KCNIP1: variants seen among roughly 807,000 people sequenced by gnomAD.
KCNIP1 encodes potassium voltage-gated channel interacting protein 1, also known as A-type potassium channel modulatory protein KCNIP1.
Under a neutral mutation model 33.0 loss-of-function variants are expected in KCNIP1, and 18 were observed. The ratio of observed to expected loss-of-function variants is 0.55; its 90% CI spans 0.38 to 0.81. The LOEUF (loss-of-function observed/expected upper bound fraction) is 0.81. KCNIP1 is among the 30% of genes least tolerant of loss of function. KCNIP1 has a pLI of 0.00. For synonymous variants in KCNIP1, 93 were observed against 98.3 expected (o/e 0.95, Z 0.32); for missense variants, 238 against 271.6 (o/e 0.88, Z 0.87).
upstream of KCNIP1, among the ~76,000 whole-genome samples, chr5:170,503,869 G>T (rs1175180536): frequency 1.3e-5 from 2 of 151,990 alleles, no homozygotes; most frequent in Admixed American, 6.6e-5. Flanking sequence ...ATGCTCCCGG[G>T]GCTCCCGCAC....
At chr5:170,734,080 G>A (rs763811217) in intron 7 of KCNIP1, among the ~76,000 whole-genome samples, 182 bp downstream of exon 7, 13 of 152,082 alleles carry the variant, frequency 8.5e-5, no homozygotes, top group Non-Finnish European at 1.6e-4. Flanking sequence ...ACCTGCAGTT[G>A]GTCTTGGCTA....
At chr5:170,365,692 C>G (rs1763642516) in intron 1 of KCNIP1, among the ~76,000 whole-genome samples, 1 of 152,202 alleles carries the variant, frequency 6.6e-6, no homozygotes, top group Non-Finnish European at 1.5e-5. Context: ...GGATCCAGGA[C>G]TTTCTGGAAA....
At chr5:170,582,206 TA>T (rs1757820574) in intron 1 of KCNIP1, among the ~76,000 whole-genome samples, 1 of 152,172 alleles carries the variant, frequency 6.6e-6, no homozygotes, top group African/African-American at 2.4e-5. Flanking sequence ...GCAGTGACCT[TA>T]AGCCCCAACA....
At chr5:170,634,483 T>C (rs187921668) in intron 1 of KCNIP1, among the ~76,000 whole-genome samples, 1 of 152,228 alleles carries the variant, frequency 6.6e-6, no homozygotes, top group African/African-American at 2.4e-5. Context: ...ACACTTCGAG[T>C]AGCACCAAAG....
intron 1 of KCNIP1, among the ~76,000 whole-genome samples, chr5:170,703,394 C>T (rs1470217886): frequency 1.4e-5 from 2 of 137,980 alleles, no homozygotes; most frequent in Non-Finnish European, 3.0e-5. Context: ...GTGGGCCTGG[C>T]ATGGCCATAA....
At chr5:170,380,856 T>C (rs937204608) in intron 1 of KCNIP1, among the ~76,000 whole-genome samples, 1 of 152,196 alleles carries the variant, frequency 6.6e-6, no homozygotes, top group Non-Finnish European at 1.5e-5. Flanking sequence ...ACAACCTCAC[T>C]GGGCCTTGTA....
chr5:170,690,143 C>T (rs574151881), intron 1 of KCNIP1, among the ~76,000 whole-genome samples: 5 of 152,254 alleles, frequency 3.3e-5, no homozygotes, highest in African/African-American at 1.2e-4. Context: ...AATGAATGAA[C>T]AAATCACTGA....
intron 1 of KCNIP1, among the ~76,000 whole-genome samples, chr5:170,700,504 G>A (rs988345263): frequency 2.0e-5 from 3 of 152,162 alleles, no homozygotes; most frequent in South Asian, 2.1e-4. Flanking sequence ...GGGAGGTTGG[G>A]GCTGTGGTAA....
chr5:170,592,606 CT>C (rs1561705559), intron 1 of KCNIP1, among the ~76,000 whole-genome samples: 1 of 152,208 alleles, frequency 6.6e-6, no homozygotes, highest in Non-Finnish European at 1.5e-5. Context: ...TACTTCTCAT[CT>C]TTGGCACAGT....
At chr5:170,449,862 T>C (rs1288143621) in intron 1 of KCNIP1, among the ~76,000 whole-genome samples, 6 of 152,010 alleles carry the variant, frequency 3.9e-5, no homozygotes, top group Non-Finnish European at 1.5e-5. Flanking sequence ...GGTCTCTACT[T>C]GTAGGAGTTC....
chr5:170,577,495 T>C lies in KCNIP1; in HGVS notation c.61+72862T>C, dbSNP rs1483982527. ...TGTTGCGTGTGAATGTCAGAGCTCA[T>C]ATGATGCCTTTGTCTTCATTCTAAC... On this transcript the variant is annotated intron_variant, in intron 1 of 7. Coordinates refer to ENST00000328939, the MANE Select transcript of KCNIP1 (RefSeq NM_014592.4). 2.0e-5 allele frequency among the ~76,000 whole-genome samples: 3 copies of C among 152,222 alleles called. No homozygotes were observed. In the East Asian group the frequency reaches 5.8e-4, roughly 29 times the overall value.
At chr5:170,628,932 C>A (rs948815347) in intron 1 of KCNIP1, among the ~76,000 whole-genome samples, 6 of 152,220 alleles carry the variant, frequency 3.9e-5, no homozygotes, top group Non-Finnish European at 7.3e-5. Flanking sequence ...TCCAGGCCTG[C>A]AGTCTGCAGC....
intron 1 of KCNIP1, among the ~76,000 whole-genome samples, chr5:170,698,812 T>C (rs1056072402): frequency 6.6e-6 from 1 of 152,228 alleles, no homozygotes; most frequent in African/African-American, 2.4e-5. Context: ...CCATTCATTA[T>C]CTCATTTAAA....
intron 1 of KCNIP1, among the ~76,000 whole-genome samples, chr5:170,571,822 G>C (rs1028911132): frequency 6.6e-6 from 1 of 152,158 alleles, no homozygotes; most frequent in African/African-American, 2.4e-5. Context: ...GCATGCAAGT[G>C]AGCAGAGCTG....
At chr5:170,392,917 AT>A (rs1754645734) in intron 1 of KCNIP1, among the ~76,000 whole-genome samples, 1 of 152,160 alleles carries the variant, frequency 6.6e-6, no homozygotes, top group Non-Finnish European at 1.5e-5. Flanking sequence ...ATGGGAGGGT[AT>A]TTTTGTTTAT....
At chr5:170,394,238 G>C (rs923080220) in intron 1 of KCNIP1, among the ~76,000 whole-genome samples, 1 of 152,164 alleles carries the variant, frequency 6.6e-6, no homozygotes, top group Non-Finnish European at 1.5e-5. Context: ...TCCTGGGCCA[G>C]GCGGAAGCTC....
chr5:170,525,257 G>T (rs751715494), intron 1 of KCNIP1, among the ~76,000 whole-genome samples: 74 of 152,280 alleles, frequency 4.9e-4, no homozygotes, highest in Non-Finnish European at 6.2e-4. Flanking sequence ...AGGCTGCCTG[G>T]GTCCTCACCC....
chr5:170,487,865 C>T (rs1282673931), intron 1 of KCNIP1, among the ~76,000 whole-genome samples: 1 of 152,144 alleles, frequency 6.6e-6, no homozygotes, highest in African/African-American at 2.4e-5. Context: ...CCTGACTCCT[C>T]CCAGCTCCTG....
chr5:170,396,793 G>A (rs774184836), intron 1 of KCNIP1, among the ~76,000 whole-genome samples: 3 of 152,266 alleles, frequency 2.0e-5, no homozygotes, highest in South Asian at 4.2e-4. Context: ...AATGATAAAT[G>A]TCTCTTACCA....
Sources: gnomAD v4.1 joint callset for allele counts (sites outside exome capture counted in the v4.1 genomes callset) on GRCh38, gnomAD v4.1.1 for gene constraint, MANE v1.5 for transcripts, NCBI Gene and HGNC (gene_info 2026-07-23, HGNC 2026-07-21) for gene names.